TRIM5: variants seen among roughly 807,000 people sequenced by gnomAD.
TRIM5 encodes the protein tripartite motif-containing protein 5.
TRIM5 carries 31 observed loss-of-function variants against 35.6 expected under a neutral mutation model. That is an observed-to-expected ratio of 0.87 (90% CI 0.65 to 1.18). TRIM5 has a LOEUF of 1.18. Ranked by LOEUF, TRIM5 falls within the 50% of genes most tolerant of loss-of-function variation. TRIM5 has a pLI of 0.00. For missense variants in TRIM5, 609 were observed against 591.6 expected (o/e 1.03, Z -0.31); for synonymous variants, 243 against 215.6 (o/e 1.13, Z -1.11).
chr11:5,612,581 C>G, the TRIM5 span: 3 of 152,282 alleles, frequency 2.0e-5, no homozygotes, highest in South Asian at 6.2e-4. Context: ...TCCAGCTTTT[C>G]CACACTCTCT....
chr11:5,638,669 G>A, the TRIM5 span, among the ~76,000 whole-genome samples: 1 of 152,210 alleles, frequency 6.6e-6, no homozygotes, highest in African/African-American at 2.4e-5. Context: ...TGACAATACG[G>A]CATAAGAAAG....
chr11:5,604,687 G>C, the TRIM5 span: 11 of 1,565,836 alleles, frequency 7.0e-6, no homozygotes, highest in Non-Finnish European at 9.5e-6. Context: ...GGTCATAGGA[G>C]CTGAGGGCAA....
chr11:5,666,103 A>G, intron 5 of TRIM5, 22 bp from the exon 6 acceptor site: 1 of 1,578,932 alleles, frequency 6.3e-7, no homozygotes, highest in Non-Finnish European at 8.6e-7. Context: ...AAAAAAAAAA[A>G]AAAACTTCCA....
chr11:5,596,670 C>A, the TRIM5 span: 2 of 615,396 alleles, frequency 3.2e-6, no homozygotes, highest in Non-Finnish European at 5.5e-6. Context: ...TCCGCAAACT[C>A]CTGACCTGTG....
chr11:5,596,840 G>C, the TRIM5 span: 2 of 1,613,462 alleles, frequency 1.2e-6, no homozygotes, highest in African/African-American at 2.7e-5. Context: ...TTGCTCTGAA[G>C]AGCTTTGACC....
At chr11:5,599,383 A>T in the TRIM5 span, among the ~76,000 whole-genome samples, 2 of 146,866 alleles carry the variant, frequency 1.4e-5, no homozygotes, top group African/African-American at 5.0e-5. Context: ...TACAATTATT[A>T]TATTTATTTA....
intron 1 of TRIM5, among the ~76,000 whole-genome samples, chr11:5,681,741 G>T (rs1247012099): frequency 9.0e-6 from 1 of 110,822 alleles, no homozygotes. Context: ...AAAACTCTCA[G>T]TGGGCTTCTG....
At chr11:5,661,918 C>T (rs1850841767), downstream of TRIM5, among the ~76,000 whole-genome samples, 1 of 152,160 alleles carries the variant, frequency 6.6e-6, no homozygotes. Flanking sequence ...GGTACTTCAT[C>T]CTGAGCTGTG....
the TRIM5 span, among the ~76,000 whole-genome samples, chr11:5,601,573 C>T: frequency 2.0e-5 from 3 of 152,116 alleles, no homozygotes; most frequent in Non-Finnish European, 4.4e-5. Flanking sequence ...GCCTGGCCAA[C>T]ATGGTAAAAC....
At chr11:5,596,942 C>T in the TRIM5 span, 1 of 1,613,996 alleles carries the variant, frequency 6.2e-7, no homozygotes, top group South Asian at 1.1e-5. Flanking sequence ...TTGACTGGCT[C>T]TTATTGTCAC....
chr11:5,642,210 C>T, the TRIM5 span, among the ~76,000 whole-genome samples: 1 of 151,994 alleles, frequency 6.6e-6, no homozygotes, highest in Non-Finnish European at 1.5e-5. Context: ...TCAAGGTCAC[C>T]CAGAGGATAA....
chr11:5,611,029 T>G, the TRIM5 span: 1 of 1,614,222 alleles, frequency 6.2e-7, no homozygotes, highest in Non-Finnish European at 8.5e-7. Flanking sequence ...TTCAACCATT[T>G]TGCTCAAAAT....
At chr11:5,667,309 C>A (rs941461769) in intron 5 of TRIM5, among the ~76,000 whole-genome samples, 1 of 152,096 alleles carries the variant, frequency 6.6e-6, no homozygotes, top group South Asian at 2.1e-4. Flanking sequence ...TGGATTCAAG[C>A]AATTCTCCTG....
At chr11:5,643,433 C>T in the TRIM5 span, 1 of 1,614,142 alleles carries the variant, frequency 6.2e-7, no homozygotes, top group Non-Finnish European at 8.5e-7. Context: ...TATTTGGCTA[C>T]TGGGTTATAG....
At chr11:5,609,846 C>T in the TRIM5 span, among the ~76,000 whole-genome samples, 1 of 152,150 alleles carries the variant, frequency 6.6e-6, no homozygotes, top group Non-Finnish European at 1.5e-5. Flanking sequence ...TCGCTTGAAC[C>T]TGGGAGGTGG....
chr11:5,642,719 G>T, the TRIM5 span: 2 of 1,529,038 alleles, frequency 1.3e-6, no homozygotes, highest in East Asian at 2.3e-5. Context: ...ACAGCTTCAT[G>T]GTATTCCCTT....
the TRIM5 span, chr11:5,610,285 C>G: frequency 6.2e-7 from 1 of 1,613,012 alleles, no homozygotes; most frequent in South Asian, 1.1e-5. Context: ...TGTGAAATTA[C>G]TGTCGTGGGA....
At chr11:5,611,163 C>T in the TRIM5 span, 121 of 1,614,192 alleles carry the variant, frequency 7.5e-5, no homozygotes, top group East Asian at 3.8e-4. Context: ...GACAGTGCCC[C>T]CTCGCCGTGT....
chr11:5,672,190 T>C (rs1294704485), intron 4 of TRIM5, among the ~76,000 whole-genome samples: 1 of 152,158 alleles, frequency 6.6e-6, no homozygotes, highest in Non-Finnish European at 1.5e-5. Context: ...TGCTGGAAGA[T>C]GGAGAAAAAA....
Sources: gnomAD v4.1 joint callset for allele counts (sites outside exome capture counted in the v4.1 genomes callset) on GRCh38, gnomAD v4.1.1 for gene constraint, MANE v1.5 for transcripts, NCBI Gene and HGNC (gene_info 2026-07-23, HGNC 2026-07-21) for gene names.